CCDC60: variants seen among roughly 807,000 people sequenced by gnomAD.
The protein encoded by CCDC60 is coiled-coil domain containing 60, also known as coiled-coil domain-containing protein 60.
CCDC60 carries 54 observed loss-of-function variants against 63.5 expected under a neutral mutation model. The ratio of observed to expected loss-of-function variants is 0.85; its 90% CI spans 0.68 to 1.07. CCDC60 has a LOEUF of 1.07. Among genes scored for constraint, CCDC60 ranks in the 50% least tolerant of loss-of-function variants. The pLI, the probability that CCDC60 is intolerant of heterozygous loss-of-function variation, is 0.00. For missense variants in CCDC60, 651 were observed against 684.3 expected (o/e 0.95, Z 0.54); for synonymous variants, 206 against 238.8 (o/e 0.86, Z 1.27).
chr12:119,339,577 A>G (rs887677984), intron 1 of CCDC60, among the ~76,000 whole-genome samples: 2 of 152,194 alleles, frequency 1.3e-5, no homozygotes, highest in African/African-American at 4.8e-5. Flanking sequence ...ACTTGAGCCC[A>G]GGAGTTTGAG....
chr12:119,343,661 TATA>T (rs1483952653), intron 1 of CCDC60, among the ~76,000 whole-genome samples: 13 of 13,214 alleles, frequency 9.8e-4, no homozygotes, highest in Non-Finnish European at 6.6e-4. Context: ...AAAGGCAAAC[TATA>T]TATATATATA....
intron 1 of CCDC60, among the ~76,000 whole-genome samples, chr12:119,346,249 A>T (rs184502104): frequency 5.1e-4 from 77 of 152,240 alleles, no homozygotes; most frequent in Admixed American, 9.2e-4. Flanking sequence ...AAAAATGGCT[A>T]CCACTTACTG....
intron 1 of CCDC60, among the ~76,000 whole-genome samples, chr12:119,343,352 C>T (rs1166542029): frequency 6.6e-6 from 1 of 152,078 alleles, no homozygotes; most frequent in African/African-American, 2.4e-5. Flanking sequence ...TTCTGGATTT[C>T]ACTAAGCGGG....
intron 2 of CCDC60, among the ~76,000 whole-genome samples, chr12:119,460,229 A>C (rs775940572): frequency 2.9e-4 from 44 of 152,288 alleles, no homozygotes; most frequent in Non-Finnish European, 5.4e-4. Flanking sequence ...ATTTTATCAC[A>C]ATTGCTAGAT....
At position 119,424,034 on chromosome 12, in the gene CCDC60, G is replaced by C. The variant is rs887190338; in HGVS notation, c.91-4649G>C. 2.6e-5 allele frequency among the ~76,000 whole-genome samples: 4 copies of C among 152,136 alleles called. No homozygotes were observed. In the East Asian group the frequency reaches 7.7e-4, roughly 29 times the overall value. ...GAATTGTAGAAAAATTAGGAAAAAA[G>C]ATAACCAAAACAAAAAATTATCGTT... On this transcript the variant is annotated intron_variant, in intron 1 of 13. Coordinates refer to ENST00000327554, the MANE Select transcript of CCDC60 (RefSeq NM_178499.5).
intron 1 of CCDC60, among the ~76,000 whole-genome samples, chr12:119,368,562 C>T (rs755763434): frequency 6.6e-6 from 1 of 152,148 alleles, no homozygotes; most frequent in Non-Finnish European, 1.5e-5. Flanking sequence ...CGCCTTCCGA[C>T]TTCTGAGCTG....
intron 1 of CCDC60, among the ~76,000 whole-genome samples, chr12:119,358,247 T>G (rs1348923526): frequency 6.6e-6 from 1 of 152,228 alleles, no homozygotes; most frequent in African/African-American, 2.4e-5. Context: ...TTTGTCTTCC[T>G]GTGGCTGGCT....
intron 1 of CCDC60, among the ~76,000 whole-genome samples, chr12:119,358,573 C>T (rs1355767767): frequency 6.6e-6 from 1 of 152,144 alleles, no homozygotes; most frequent in Non-Finnish European, 1.5e-5. Context: ...CCCAAAAAAC[C>T]CCCTCAAACA....
At position 119,456,736 on chromosome 12, in the gene CCDC60, G is replaced by A. The variant is rs1267611181; in HGVS notation, c.171-15258G>A. Among the ~76,000 whole-genome samples, 1 of 152,184 alleles carries A rather than the reference G, an allele frequency of 6.6e-6. No homozygotes were observed. Among genetic ancestry groups the A allele is most frequent in the Non-Finnish European group, 1.5e-5 (1 of 68,028 alleles). On this transcript the variant is annotated intron_variant, in intron 2 of 13. Coordinates refer to ENST00000327554, the MANE Select transcript of CCDC60 (RefSeq NM_178499.5). This position sits in a 1 kb window ranked among gnomAD's most constrained non-coding sequence, Gnocchi z 4.6. ...TGCCTCCCCTTTTTAGACCATGTAG[G>A]GTAACTTCCTGACATTGCCATGGCA...
rs753618585 is a variant in CCDC60 at position 119,456,001 on chromosome 12, G to GAGAAAGAA, written c.171-15938_171-15931dup. 4.5e-3 allele frequency among the ~76,000 whole-genome samples: 228 copies of GAGAAAGAA among 51,062 alleles called. 2 individuals are homozygous for GAGAAAGAA. The highest frequency in any genetic ancestry group is 5.4e-3 in the Non-Finnish European group (158 of 29,332). The allele number at this position is 51,062 out of a possible 152,430, so 33.5% of individuals were successfully genotyped here. A position where few individuals can be genotyped will look rare whatever the true frequency, so the allele number is the denominator to read the frequency against. ...AGGGAGAGAGAAAGAGAGAGAGAAA[G>GAGAAAGAA]AGAAAGAAAGAAAGAAAGAAAGAAA... On this transcript the variant is annotated intron_variant, in intron 2 of 13. Coordinates refer to ENST00000327554, the MANE Select transcript of CCDC60 (RefSeq NM_178499.5). The surrounding 1 kb of genome is among the most constrained non-coding windows in gnomAD (Gnocchi z 4.6).
At chr12:119,390,864 C>T (rs1956145329) in intron 1 of CCDC60, among the ~76,000 whole-genome samples, 1 of 152,208 alleles carries the variant, frequency 6.6e-6, no homozygotes, top group Non-Finnish European at 1.5e-5. Flanking sequence ...CTTTTGCCCT[C>T]ATTGACATTT....
intron 13 of CCDC60, among the ~76,000 whole-genome samples, chr12:119,534,715 C>T (rs903845083): frequency 1.2e-4 from 18 of 152,062 alleles, no homozygotes; most frequent in Admixed American, 7.9e-4. Context: ...TGATGGATTA[C>T]GTTTATTGAT....
chr12:119,375,303 A>C (rs1032158437), intron 1 of CCDC60, among the ~76,000 whole-genome samples: 4 of 152,238 alleles, frequency 2.6e-5, no homozygotes. Context: ...CCTAATTTGC[A>C]ATGTTTGTTT....
chr12:119,377,916 C>A (rs1466365937), intron 1 of CCDC60, among the ~76,000 whole-genome samples: 1 of 152,092 alleles, frequency 6.6e-6, no homozygotes, highest in Non-Finnish European at 1.5e-5. Flanking sequence ...CGCAGACACA[C>A]AAGAAATGAG....
chr12:119,347,329 G>A (rs1299428597), intron 1 of CCDC60, among the ~76,000 whole-genome samples: 4 of 152,126 alleles, frequency 2.6e-5, no homozygotes, highest in Non-Finnish European at 5.9e-5. Flanking sequence ...ATCGTAAACA[G>A]CTTAATTGGG....
chr12:119,375,983 C>A (rs1032005085), intron 1 of CCDC60, among the ~76,000 whole-genome samples: 2 of 152,190 alleles, frequency 1.3e-5, no homozygotes, highest in African/African-American at 4.8e-5. Flanking sequence ...TGACTTTCCT[C>A]TGGTGAAAAG....
At chr12:119,519,422 T>C (rs1952442659) in intron 8 of CCDC60, among the ~76,000 whole-genome samples, 2 of 140,334 alleles carry the variant, frequency 1.4e-5, no homozygotes, top group Admixed American at 7.3e-5. Flanking sequence ...TGTGTGTGTG[T>C]GTGTGTGTGT....
chr12:119,345,289 G>A (rs549203504), intron 1 of CCDC60, among the ~76,000 whole-genome samples: 1 of 152,306 alleles, frequency 6.6e-6, no homozygotes, highest in South Asian at 2.1e-4. Context: ...GGATCATGAG[G>A]TCAGGATTTC....
intron 1 of CCDC60, among the ~76,000 whole-genome samples, chr12:119,343,174 CT>C (rs1473973074): frequency 1.2e-4 from 18 of 152,332 alleles, no homozygotes; most frequent in African/African-American, 4.1e-4. Flanking sequence ...ATTTTCCCTT[CT>C]AAATTCCTGT....
Sources: gnomAD v4.1 joint callset for allele counts (sites outside exome capture counted in the v4.1 genomes callset) on GRCh38, gnomAD v4.1.1 for gene constraint, Gnocchi (gnomAD v3.1) non-coding constraint, MANE v1.5 for transcripts, NCBI Gene and HGNC (gene_info 2026-07-23, HGNC 2026-07-21) for gene names.